RFC5: variants seen among roughly 807,000 people sequenced by gnomAD.
The protein encoded by RFC5 is replication factor C subunit 5, also known as A1 36 kDa subunit.
Under a neutral mutation model 44.3 loss-of-function variants are expected in RFC5, and 26 were observed. That is an observed-to-expected ratio of 0.59 (90% CI 0.43 to 0.81). RFC5 has a LOEUF of 0.81. Ranked by LOEUF, RFC5 falls within the 40% of genes least tolerant of loss-of-function variation. The probability of loss-of-function intolerance (pLI) is 0.00; values close to 1 mark genes in which losing one functional copy is unlikely to be tolerated. For missense variants in RFC5, 328 were observed against 418.6 expected (o/e 0.78, Z 1.89); for synonymous variants, 155 against 155.2 (o/e 1.00, Z 0.01).
At chr12:118,024,201 C>T (rs1199669385) in intron 5 of RFC5, among the ~76,000 whole-genome samples, 2 of 151,800 alleles carry the variant, frequency 1.3e-5, no homozygotes, top group African/African-American at 4.8e-5. Flanking sequence ...ATTAGCCGGG[C>T]GTGGTGGCAC....
chr12:118,033,482 T>A (rs1037674808), downstream of RFC5: 3 of 151,898 alleles, frequency 2.0e-5, no homozygotes, highest in African/African-American at 7.3e-5. Flanking sequence ...TCATGCGGTT[T>A]AAGAATACAT....
intron 7 of RFC5, among the ~76,000 whole-genome samples, chr12:118,026,648 A>C (rs929814400): frequency 6.6e-6 from 1 of 152,200 alleles, no homozygotes; most frequent in Admixed American, 6.5e-5. Flanking sequence ...AAAAGGAATC[A>C]TTTGTTGCAA....
At chr12:118,034,649 G>A, downstream of RFC5, 1 of 492,540 alleles carries the variant, frequency 2.0e-6, no homozygotes, top group South Asian at 3.0e-5. Context: ...AGGGGGAAGA[G>A]TGCCACCTAC....
intron 4 of RFC5, among the ~76,000 whole-genome samples, chr12:118,022,032 T>C (rs1027457415): frequency 1.3e-5 from 2 of 152,044 alleles, no homozygotes; most frequent in Admixed American, 1.3e-4. Flanking sequence ...TAGGGTGCCA[T>C]GTGGAGGAAA....
rs761103382 is a variant in RFC5 at position 118,016,901 on chromosome 12, A to G, written c.65+9A>G. The stretch of plus-strand genomic sequence containing the variant: ...ATCAGGAACCTGCCCTGGTAGGAGG[A>G]GGCCGAGCGGCGGCGGTGGGCAGAG... On this transcript the variant is annotated intron_variant, in intron 1 of 10. Transcript: ENST00000454402. 1.2e-6 allele frequency: 2 copies of G among 1,612,164 alleles called. No individual in the cohort carries two copies. The highest frequency in any genetic ancestry group is 2.7e-5 in the African/African-American group (2 of 74,956).
At chr12:118,035,377 C>G, downstream of RFC5, 1 of 1,510,654 alleles carries the variant, frequency 6.6e-7, no homozygotes, top group Non-Finnish European at 9.2e-7. Context: ...TGCTCTCCAC[C>G]CTCCATCATC....
Position 118,019,886 on chromosome 12 carries a change from A to G in RFC5, c.267+118A>G. The G allele has an allele frequency of 1.2e-6, 1 of 805,470 alleles. No individual in the cohort carries two copies. The highest frequency in any genetic ancestry group is 1.9e-6 in the Non-Finnish European group (1 of 516,970). 49.9% of individuals were successfully genotyped at this position (805,470 alleles called of 1,614,324 possible). ...TTGCCCCACGGACAGTTAGGAAAGAAGTAAATTTGAATATTTTAATTCCCT... is the reference window on the plus strand; with the variant it reads ...TTGCCCCACGGACAGTTAGGAAAGAGGTAAATTTGAATATTTTAATTCCCT... On this transcript the variant is annotated intron_variant, in intron 3 of 10. Transcript: ENST00000454402. This position sits in a 1 kb window ranked among gnomAD's most constrained non-coding sequence, Gnocchi z 4.2.
chr12:118,040,096 C>T, the RFC5 span, among the ~76,000 whole-genome samples: 1 of 151,816 alleles, frequency 6.6e-6, no homozygotes, highest in South Asian at 2.1e-4. Context: ...TCACTGGAGC[C>T]CAGGAGGCAG....
At chr12:118,028,064 G>A in intron 9 of RFC5, 34 bp downstream of exon 9, 2 of 1,373,002 alleles carry the variant, frequency 1.5e-6, no homozygotes, top group Non-Finnish European at 2.1e-6. Flanking sequence ...GAGAAGCTGT[G>A]GAGAAGGTAG....
chr12:118,016,991 C>T (rs1235483511), intron 1 of RFC5, 99 bp downstream of exon 1: 1 of 932,672 alleles, frequency 1.1e-6, no homozygotes, highest in African/African-American at 1.6e-5. Flanking sequence ...CCAACCCGAC[C>T]TCTTCCCGTC....
chr12:118,035,373 C>T (rs2031487539), downstream of RFC5: 6 of 1,547,004 alleles, frequency 3.9e-6, no homozygotes, highest in Non-Finnish European at 5.3e-6. Context: ...TGGCTGCTCT[C>T]CACCCTCCAT....
intron 9 of RFC5, among the ~76,000 whole-genome samples, chr12:118,029,453 C>T (rs1401044243): frequency 6.6e-6 from 1 of 152,172 alleles, no homozygotes; most frequent in Non-Finnish European, 1.5e-5. Context: ...ATAAAAACAG[C>T]AAGTGGGAAC....
At position 118,024,972 on chromosome 12, in the gene RFC5, C is replaced by T. The variant is rs1593446214; in HGVS notation, c.543C>T (p.Leu181=). ...GGTTCGGTCCCCTGACTCCTGAACT[C>T]ATGGTTCCCCGCCTGGAACATGTCG... ...RFRFGPLTPE[L]MVPRLEHVVE... is the part of the protein sequence containing the mutation. Residue 181 remains leucine, a synonymous_variant, in exon 6 of 11, where the codon CTC becomes CTT. Transcript: ENST00000454402. 6.2e-7 allele frequency: 1 copy of T among 1,614,002 alleles called. No individual in the cohort carries two copies. Among genetic ancestry groups the T allele is most frequent in the Non-Finnish European group, 8.5e-7 (1 of 1,179,962 alleles).
At chr12:118,034,730 C>CA, downstream of RFC5, 1 of 534,768 alleles carries the variant, frequency 1.9e-6, no homozygotes, top group Non-Finnish European at 3.3e-6. Context: ...TGCATCATCT[C>CA]AATTTTATTC....
chr12:118,034,144 C>T (rs2031444201), downstream of RFC5: 2 of 1,608,636 alleles, frequency 1.2e-6, no homozygotes, highest in African/African-American at 2.7e-5. Flanking sequence ...CAGCAACTCC[C>T]TTTGACAGGA....
At chr12:118,018,609 T>G (rs1450279949) in intron 1 of RFC5, among the ~76,000 whole-genome samples, 1 of 146,536 alleles carries the variant, frequency 6.8e-6, no homozygotes, top group African/African-American at 2.5e-5. Flanking sequence ...AAGGATTCTG[T>G]TTTTTTTTTT....
In RFC5 at chr12:118,024,938, C is replaced by T. The variant is rs142245753; in HGVS notation, c.509C>T (p.Thr170Met). 62 of 1,613,816 alleles carry T rather than the reference C, an allele frequency of 3.8e-5. No homozygotes were observed. Among genetic ancestry groups the T allele is most frequent in the East Asian group, 6.7e-5 (3 of 44,894 alleles). Residue 170 changes from threonine to methionine, a missense_variant, in exon 6 of 11, where the codon ACG (threonine) becomes ATG (methionine). Transcript: ENST00000454402. ...ATCCCTGCCTTGCAGTCCCGCTGCA[C>T]GAGGTTTCGGTTCGGTCCCCTGACT... ...KIIPALQSRC[T>M]RFRFGPLTPE... is the part of the protein sequence containing the mutation.
rs1297820971 is a variant in RFC5, at chr12:118,031,517, G to A, written c.*239G>A. ...AACTCATACTGCCTGTCTTTTATAG[G>A]GGAAAAAAATAACCTTTTTTATTTT... is the stretch of plus-strand genomic sequence containing the variant. On this transcript the variant is annotated 3_prime_UTR_variant, in exon 11 of 11. Coordinates refer to ENST00000454402, the MANE Select transcript of RFC5 (RefSeq NM_007370.7). 2 of 314,294 alleles carry A rather than the reference G, an allele frequency of 6.4e-6. No homozygotes were observed. Among genetic ancestry groups the A allele is most frequent in the Non-Finnish European group, 1.2e-5 (2 of 173,490 alleles). The allele number at this position is 314,294 out of a possible 1,614,324, so 19.5% of individuals were successfully genotyped here. A position where few individuals can be genotyped will look rare whatever the true frequency, so the allele number is the denominator to read the frequency against.
the RFC5 span, among the ~76,000 whole-genome samples, chr12:118,039,289 G>A: frequency 1.3e-5 from 2 of 152,024 alleles, no homozygotes; most frequent in Non-Finnish European, 2.9e-5. Context: ...TCCAGCTCTT[G>A]CTTTAAAAAT....
Sources: allele counts gnomAD v4.1 joint callset (sites outside exome capture counted in the v4.1 genomes callset), GRCh38; gene constraint gnomAD v4.1.1; non-coding constraint Gnocchi (gnomAD v3.1); transcripts MANE v1.5; gene names NCBI Gene and HGNC (gene_info 2026-07-23, HGNC 2026-07-21).